Variants in ELMO1 observed in about 807,000 individuals in gnomAD.
ELMO1 encodes the protein engulfment and cell motility 1, also known as engulfment and cell motility protein 1.
In ELMO1, 26 loss-of-function variants were observed where a neutral mutation model predicts 98.9. That is an observed-to-expected ratio of 0.26 (90% CI 0.19 to 0.36). The LOEUF is 0.36. ELMO1 is among the 10% of genes least tolerant of loss of function. ELMO1 has a pLI of 1.00. For synonymous variants in ELMO1, 346 were observed against 346.0 expected (o/e 1.00, Z 0.00); for missense variants, 627 against 935.2 (o/e 0.67, Z 4.30).
At chr7:37,217,736 A>G (rs760259450) in intron 10 of ELMO1, 43 of 457,090 alleles carry the variant, frequency 9.4e-5, no homozygotes, top group South Asian at 3.3e-4. Flanking sequence ...CAAGGATGTC[A>G]ACATTGCTCT....
intron 4 of ELMO1, among the ~76,000 whole-genome samples, chr7:37,304,447 G>A (rs1244936133): frequency 3.3e-5 from 5 of 152,194 alleles, no homozygotes; most frequent in African/African-American, 7.2e-5. Flanking sequence ...TGGGCACGGC[G>A]GCTCACGCCT....
At chr7:36,926,922 G>A (rs773044754) in intron 16 of ELMO1, among the ~76,000 whole-genome samples, 9 of 151,818 alleles carry the variant, frequency 5.9e-5, no homozygotes, top group African/African-American at 7.3e-5. Context: ...TAAAATCCCC[G>A]TAACTTATTT....
chr7:36,912,916 T>C (rs561587410), intron 16 of ELMO1, among the ~76,000 whole-genome samples: 4 of 152,356 alleles, frequency 2.6e-5, no homozygotes, highest in Non-Finnish European at 2.9e-5. Flanking sequence ...TTTTTCTGTA[T>C]ATGTATGGCA....
intron 16 of ELMO1, among the ~76,000 whole-genome samples, chr7:36,946,433 T>C (rs376297696): frequency 1.3e-5 from 2 of 152,344 alleles, no homozygotes. Flanking sequence ...TGCTATGCTA[T>C]GAAGACAAAG....
intron 16 of ELMO1, among the ~76,000 whole-genome samples, chr7:36,978,355 A>G (rs1038943915): frequency 6.6e-6 from 1 of 151,268 alleles, no homozygotes; most frequent in Non-Finnish European, 1.5e-5. Flanking sequence ...AGTTCACAGT[A>G]AATAGATGTC....
chr7:37,322,074 G>T (rs1217937094), intron 2 of ELMO1, among the ~76,000 whole-genome samples: 2 of 151,624 alleles, frequency 1.3e-5, no homozygotes, highest in African/African-American at 4.8e-5. Context: ...TGGCCAGACT[G>T]GTCTCGAACT....
At chr7:36,970,180 AACACACACACACACACACACAC>A (rs56928749) in intron 16 of ELMO1, among the ~76,000 whole-genome samples, 2 of 144,242 alleles carry the variant, frequency 1.4e-5, no homozygotes, top group Non-Finnish European at 3.0e-5. Context: ...TCATACACTT[AACACACACACACACACACACAC>A]ACACACACAC....
chr7:37,296,129 T>C (rs1422461683), intron 4 of ELMO1, among the ~76,000 whole-genome samples: 1 of 152,196 alleles, frequency 6.6e-6, no homozygotes, highest in East Asian at 1.9e-4. Context: ...GTCTAGCACC[T>C]TTTAGCTGGG....
chr7:36,887,690 CAT>C lies in ELMO1; in HGVS notation c.1602-20_1602-19del. On this transcript the variant is annotated intron_variant, in intron 17 of 21. Coordinates refer to ENST00000310758, the MANE Select transcript of ELMO1 (RefSeq NM_014800.11). ...TTAGTTCCCTGTTAGAGGAAAAACACATATTCCACAGCATGCCTTGAGAAACA... is the reference window on the plus strand; with the variant it reads ...TTAGTTCCCTGTTAGAGGAAAAACACATTCCACAGCATGCCTTGAGAAACA... The C allele has an allele frequency of 1.9e-6, 3 of 1,610,210 alleles. No homozygotes were observed. Among genetic ancestry groups the C allele is most frequent in the East Asian group, 2.2e-5 (1 of 44,804 alleles).
intron 16 of ELMO1, chr7:36,997,799 G>A (rs1792329917): frequency 6.6e-6 from 1 of 152,394 alleles, no homozygotes; most frequent in African/African-American, 2.4e-5. Flanking sequence ...AGGGGTCAGT[G>A]CCATGGGAAT....
chr7:36,924,925 G>T (rs1785420212), intron 16 of ELMO1, among the ~76,000 whole-genome samples: 1 of 152,178 alleles, frequency 6.6e-6, no homozygotes, highest in African/African-American at 2.4e-5. Flanking sequence ...ATGACTTTGA[G>T]GATACAGAAG....
intron 16 of ELMO1, among the ~76,000 whole-genome samples, chr7:36,959,857 T>A (rs899257990): frequency 6.6e-6 from 1 of 152,102 alleles, no homozygotes; most frequent in Non-Finnish European, 1.5e-5. Context: ...ATTTTTGCAT[T>A]TTCAGTAGAG....
chr7:37,092,366 CTTTTTTTTTTTTTTTTT>C (rs537388417), intron 15 of ELMO1, among the ~76,000 whole-genome samples: 5 of 68,894 alleles, frequency 7.3e-5, no homozygotes, highest in South Asian at 1.2e-3. Flanking sequence ...TACCCATATT[CTTTTTTTTTTTTTTTTT>C]TTTTTTTTTT....
At chr7:37,089,944 T>C (rs1783984696) in intron 15 of ELMO1, among the ~76,000 whole-genome samples, 1 of 152,202 alleles carries the variant, frequency 6.6e-6, no homozygotes, top group African/African-American at 2.4e-5. Context: ...TCCCTGTCCA[T>C]GGCTGGGCTA....
At chr7:37,404,414 C>T (rs1242533268) in intron 1 of ELMO1, among the ~76,000 whole-genome samples, 3 of 152,192 alleles carry the variant, frequency 2.0e-5, no homozygotes, top group East Asian at 1.9e-4. Flanking sequence ...GGCCACTCCC[C>T]GCCATTGGCA....
intron 13 of ELMO1, among the ~76,000 whole-genome samples, chr7:37,209,548 T>C (rs768566421): frequency 1.1e-4 from 16 of 152,090 alleles, no homozygotes; most frequent in Non-Finnish European, 1.6e-4. Flanking sequence ...CAATTAAGAG[T>C]ATTTTCCAAA....
rs1784599344 is a variant in ELMO1 at position 36,915,135 on chromosome 7, C to T, written c.1438-20118G>A. Among the ~76,000 whole-genome samples the T allele has an allele frequency of 2.0e-5, 3 of 152,014 alleles. No homozygotes were observed. The South Asian group carries it at 6.2e-4, about 32-fold the overall frequency. On this transcript the variant is annotated intron_variant, in intron 16 of 21. Transcript: ENST00000310758. ...GAGATGGGGGTCTTGTTATGTTGCC[C>T]AGGCTGGTCTTGAACTCGTGGCTTC...
chr7:37,353,953 C>T (rs1012425338), intron 1 of ELMO1, among the ~76,000 whole-genome samples: 3 of 152,226 alleles, frequency 2.0e-5, no homozygotes, highest in Non-Finnish European at 1.5e-5. Flanking sequence ...ATGTCCTTTC[C>T]TTCCCTTGGG....
chr7:37,172,037 C>T (rs1411623888), intron 13 of ELMO1, among the ~76,000 whole-genome samples: 3 of 152,128 alleles, frequency 2.0e-5, no homozygotes, highest in African/African-American at 7.2e-5. Flanking sequence ...ATAGTTTTGA[C>T]ATTTAAAAGA....
Sources: allele counts gnomAD v4.1 joint callset (sites outside exome capture counted in the v4.1 genomes callset), GRCh38; gene constraint gnomAD v4.1.1; transcripts MANE v1.5; gene names NCBI Gene and HGNC (gene_info 2026-07-23, HGNC 2026-07-21).